PBX3: variants seen among roughly 807,000 people sequenced by gnomAD.
PBX3 encodes pre-B-cell leukemia transcription factor 3.
Under a neutral mutation model 48.5 loss-of-function variants are expected in PBX3, and 14 were observed. That is an observed-to-expected ratio of 0.29 (90% confidence interval 0.19 to 0.45). The LOEUF is 0.45. Ranked by LOEUF, PBX3 falls within the 20% of genes least tolerant of loss-of-function variation. PBX3 has a pLI of 1.00. For synonymous variants in PBX3, 210 were observed against 200.3 expected (o/e 1.05, Z -0.41); for missense variants, 386 against 546.7 (o/e 0.71, Z 2.93).
intron 5 of PBX3, among the ~76,000 whole-genome samples, chr9:125,951,683 T>C (rs574605766): frequency 6.6e-6 from 1 of 152,334 alleles, no homozygotes; most frequent in East Asian, 1.9e-4. Context: ...GAGAAGGAGA[T>C]ATCATTATCC....
chr9:125,929,102 G>A (rs990825888), intron 3 of PBX3, among the ~76,000 whole-genome samples: 2 of 152,086 alleles, frequency 1.3e-5, no homozygotes, highest in Admixed American at 6.6e-5. Flanking sequence ...AGCTCAATCC[G>A]TGAAGCCTAC....
At chr9:125,944,604 G>A (rs1357673894) in intron 5 of PBX3, among the ~76,000 whole-genome samples, 1 of 152,212 alleles carries the variant, frequency 6.6e-6, no homozygotes, top group Admixed American at 6.5e-5. Flanking sequence ...TCTATTGAGA[G>A]GATCAGGAAA....
intron 2 of PBX3, among the ~76,000 whole-genome samples, chr9:125,792,033 TAC>T (rs550111379): frequency 9.5e-5 from 13 of 137,476 alleles, no homozygotes; most frequent in East Asian, 2.1e-4. Context: ...GGATTAATAC[TAC>T]ACACACACAC....
chr9:125,749,777 A>ATTTC (rs1199617676), intron 2 of PBX3, among the ~76,000 whole-genome samples: 2 of 152,162 alleles, frequency 1.3e-5, no homozygotes, highest in African/African-American at 4.8e-5. Context: ...TCTTTGAAAC[A>ATTTC]GGTTTTTCGC....
chr9:125,950,804 G>C (rs1009072581), intron 5 of PBX3, among the ~76,000 whole-genome samples: 1 of 151,970 alleles, frequency 6.6e-6, no homozygotes, highest in Non-Finnish European at 1.5e-5. Context: ...TATTTTCTTA[G>C]AAGAGAAAAA....
At chr9:125,768,986 C>G (rs946676887) in intron 2 of PBX3, among the ~76,000 whole-genome samples, 7 of 152,074 alleles carry the variant, frequency 4.6e-5, no homozygotes, top group African/African-American at 1.7e-4. Flanking sequence ...TTTTAAGCAG[C>G]TAGTTCAGCT....
chr9:125,794,357 A>T (rs1400794576), intron 2 of PBX3, among the ~76,000 whole-genome samples: 1 of 152,224 alleles, frequency 6.6e-6, no homozygotes, highest in Non-Finnish European at 1.5e-5. Flanking sequence ...AATCATATAC[A>T]CATTACAGTT....
At chr9:125,957,895 T>A (rs1016565083) in intron 5 of PBX3, among the ~76,000 whole-genome samples, 2 of 152,050 alleles carry the variant, frequency 1.3e-5, no homozygotes, top group African/African-American at 4.8e-5. Context: ...AACGCTAGAG[T>A]GATAATTATG....
intron 2 of PBX3, among the ~76,000 whole-genome samples, chr9:125,866,883 C>G (rs1839994689): frequency 6.6e-6 from 1 of 152,236 alleles, no homozygotes; most frequent in Non-Finnish European, 1.5e-5. Context: ...TTTGATTACT[C>G]TTTGATTAGG....
intron 2 of PBX3, among the ~76,000 whole-genome samples, chr9:125,851,110 G>A (rs1839565142): frequency 6.6e-6 from 1 of 152,052 alleles, no homozygotes; most frequent in Admixed American, 6.6e-5. Context: ...ATCAGTGAGT[G>A]GAGCTATTAG....
In PBX3 at chr9:125,963,030, GT is replaced by G. The variant is rs773178337; in HGVS notation, c.1143del (p.Ile382SerfsTer22). Reference sequence around the variant, plus strand: ...CTTCTAGGTGGATACCCTCCGTCATGTTATCAATCAGACGGGAGGCTACAGT... The same window carrying G: ...CTTCTAGGTGGATACCCTCCGTCATGTATCAATCAGACGGGAGGCTACAGT... Reference protein sequence around the residue: ...VQSQVDTLRHVINQTGGYSDG... With the variant: ...VQSQVDTLRHXINQTGGYSDG... On this transcript the variant is annotated frameshift_variant, in exon 8 of 9. Coordinates refer to ENST00000373489, the MANE Select transcript of PBX3 (RefSeq NM_006195.6). LOFTEE classifies it high-confidence loss of function. The G allele has an allele frequency of 6.2e-7, 1 of 1,606,374 alleles. No individual in the cohort carries two copies. The highest frequency in any genetic ancestry group is 8.5e-7 in the Non-Finnish European group (1 of 1,173,848).
At chr9:125,781,679 T>A (rs1018493648) in intron 2 of PBX3, among the ~76,000 whole-genome samples, 3 of 152,218 alleles carry the variant, frequency 2.0e-5, no homozygotes, top group African/African-American at 7.2e-5. Flanking sequence ...ATTGTTTTTC[T>A]GTTCTGTGTT....
At chr9:125,847,315 A>AG (rs1179456078) in intron 2 of PBX3, among the ~76,000 whole-genome samples, 2 of 151,928 alleles carry the variant, frequency 1.3e-5, no homozygotes, top group African/African-American at 2.4e-5. Context: ...TTAGTTACTG[A>AG]GGGGTCTAGT....
At chr9:125,826,415 T>C (rs1246622127) in intron 2 of PBX3, among the ~76,000 whole-genome samples, 2 of 152,176 alleles carry the variant, frequency 1.3e-5, no homozygotes, top group Non-Finnish European at 2.9e-5. Flanking sequence ...TCTTGTCGAC[T>C]CTAGCTTGTC....
chr9:125,874,584 T>C (rs1273332206), intron 2 of PBX3, among the ~76,000 whole-genome samples: 3 of 152,164 alleles, frequency 2.0e-5, no homozygotes, highest in Non-Finnish European at 2.9e-5. Flanking sequence ...TAATTGACAA[T>C]TTAACTCTAC....
chr9:125,769,410 G>T (rs111765163), intron 2 of PBX3, among the ~76,000 whole-genome samples: 1,681 of 152,312 alleles, frequency 0.011, 38 homozygotes, highest in African/African-American at 0.039. Context: ...AGAACTACAA[G>T]TCTGTGTAAA....
At chr9:125,853,871 A>G (rs1424137785) in intron 2 of PBX3, among the ~76,000 whole-genome samples, 1 of 152,210 alleles carries the variant, frequency 6.6e-6, no homozygotes, top group East Asian at 1.9e-4. Flanking sequence ...TTTTAAGCTG[A>G]AGCTATATTT....
chr9:125,917,644 T>C (rs987332843), intron 3 of PBX3, among the ~76,000 whole-genome samples: 1 of 152,208 alleles, frequency 6.6e-6, no homozygotes, highest in Non-Finnish European at 1.5e-5. Context: ...TATATATCGT[T>C]GTTTTTTCAC....
chr9:125,881,532 T>C (rs1411869888), intron 2 of PBX3, among the ~76,000 whole-genome samples: 1 of 152,214 alleles, frequency 6.6e-6, no homozygotes, highest in Non-Finnish European at 1.5e-5. Flanking sequence ...AATATAATTA[T>C]ACATTTCTAC....
Sources: gnomAD v4.1 joint callset for allele counts (sites outside exome capture counted in the v4.1 genomes callset) on GRCh38, gnomAD v4.1.1 for gene constraint, MANE v1.5 for transcripts, NCBI Gene and HGNC (gene_info 2026-07-23, HGNC 2026-07-21) for gene names.